BNC2: variants seen among roughly 807,000 people sequenced by gnomAD.
BNC2 encodes basonuclin zinc finger protein 2.
BNC2 carries 20 observed loss-of-function variants against 76.3 expected under a neutral mutation model. That is an observed-to-expected ratio of 0.26 (90% confidence interval 0.18 to 0.38). The LOEUF (loss-of-function observed/expected upper bound fraction) is 0.38, where lower values mean the gene tolerates loss of function less well. Among genes scored for constraint, BNC2 ranks in the 10% least tolerant of loss-of-function variants. BNC2 has a pLI of 1.00. For missense variants in BNC2, 1,382 were observed against 1,399.8 expected (o/e 0.99, Z 0.20); for synonymous variants, 582 against 514.8 (o/e 1.13, Z -1.77).
intron 5 of BNC2, among the ~76,000 whole-genome samples, chr9:16,470,040 C>T (rs1367660340): frequency 6.8e-6 from 1 of 146,886 alleles, no homozygotes; most frequent in Non-Finnish European, 1.5e-5. Flanking sequence ...CTCTGTTGCC[C>T]AGGCTGGAGT....
chr9:16,545,969 G>C (rs776953564), intron 5 of BNC2, among the ~76,000 whole-genome samples: 3 of 152,196 alleles, frequency 2.0e-5, no homozygotes, highest in African/African-American at 7.2e-5. Flanking sequence ...CTTCTGCTGT[G>C]TTATGCCACT....
intron 3 of BNC2, among the ~76,000 whole-genome samples, chr9:16,722,071 T>C (rs1483172999): frequency 6.6e-6 from 1 of 152,186 alleles, no homozygotes; most frequent in Non-Finnish European, 1.5e-5. Context: ...GTGTGTGTAA[T>C]GCATACAAGG....
At chr9:16,842,672 G>C (rs1033388345) in intron 1 of BNC2, among the ~76,000 whole-genome samples, 2 of 151,980 alleles carry the variant, frequency 1.3e-5, no homozygotes, top group African/African-American at 4.8e-5. Context: ...ATTAACATTT[G>C]GGAAATCTGG....
At chr9:16,783,440 T>G (rs1586880968) in intron 1 of BNC2, among the ~76,000 whole-genome samples, 2 of 152,310 alleles carry the variant, frequency 1.3e-5, no homozygotes, top group East Asian at 3.9e-4. Flanking sequence ...AGAGATAAAT[T>G]ATGCAAATCA....
intron 3 of BNC2, among the ~76,000 whole-genome samples, chr9:16,647,798 G>T (rs958519173): frequency 2.0e-5 from 3 of 152,080 alleles, no homozygotes; most frequent in African/African-American, 2.4e-5. Flanking sequence ...TCTTAGGCAG[G>T]TTTAATAAAG....
At chr9:16,825,561 T>A (rs1174568538) in intron 1 of BNC2, among the ~76,000 whole-genome samples, 2 of 152,066 alleles carry the variant, frequency 1.3e-5, no homozygotes, top group Non-Finnish European at 1.5e-5. Flanking sequence ...ATGCTGAATT[T>A]CAAAATCCCT....
intron 5 of BNC2, among the ~76,000 whole-genome samples, chr9:16,517,084 T>G (rs1458331425): frequency 2.0e-5 from 3 of 152,176 alleles, no homozygotes; most frequent in Non-Finnish European, 4.4e-5. Flanking sequence ...GACTGAGGTT[T>G]TGAGGACTAA....
At chr9:16,687,439 T>C (rs66593595) in intron 3 of BNC2, among the ~76,000 whole-genome samples, 16,323 of 152,124 alleles carry the variant, frequency 0.11, 1,572 homozygotes, top group East Asian at 0.39. Context: ...GGGGGCACTG[T>C]GCATTTGTGT....
At chr9:16,702,582 C>A (rs1181026398) in intron 3 of BNC2, among the ~76,000 whole-genome samples, 1 of 150,558 alleles carries the variant, frequency 6.6e-6, no homozygotes, top group Non-Finnish European at 1.5e-5. Flanking sequence ...CCTAATATCG[C>A]CTTTCCTAGA....
chr9:16,813,854 G>T lies in BNC2; in HGVS notation c.3+56792C>A, dbSNP rs1191055772. Among the ~76,000 whole-genome samples the T allele has an allele frequency of 3.9e-5, 6 of 152,082 alleles. No homozygotes were observed. The East Asian group carries it at 9.6e-4, about 24-fold the overall frequency. On this transcript the variant is annotated intron_variant, in intron 1 of 6. Coordinates refer to ENST00000380672, the MANE Select transcript of BNC2 (RefSeq NM_017637.6). ...ATATATCAAACATGTTCCCCACCCA[G>T]TAAGTGTCCAGCAGAAATAAAAGCA... is the stretch of plus-strand genomic sequence containing the variant.
intron 5 of BNC2, among the ~76,000 whole-genome samples, chr9:16,540,156 ATTTTTTTT>A (rs36075261): frequency 1.1e-4 from 13 of 118,474 alleles, no homozygotes; most frequent in South Asian, 2.8e-4. Flanking sequence ...ATTTAACGTG[ATTTTTTTT>A]TTTTTTTTTT....
At chr9:16,741,076 A>C (rs901392202) in intron 1 of BNC2, among the ~76,000 whole-genome samples, 19 of 152,172 alleles carry the variant, frequency 1.2e-4, no homozygotes, top group African/African-American at 4.1e-4. Flanking sequence ...CAAAATAATC[A>C]TCTGAGGAAA....
chr9:16,764,730 T>A (rs2135408393), intron 1 of BNC2, among the ~76,000 whole-genome samples: 1 of 59,796 alleles, frequency 1.7e-5, no homozygotes, highest in African/African-American at 5.5e-5. Context: ...TAACTTTACT[T>A]ATTTGTCTGT....
intron 5 of BNC2, among the ~76,000 whole-genome samples, chr9:16,472,417 C>A (rs1238915499): frequency 6.6e-6 from 1 of 152,178 alleles, no homozygotes; most frequent in Non-Finnish European, 1.5e-5. Flanking sequence ...GAGATCTAAG[C>A]CTTCAAAACA....
intron 3 of BNC2, among the ~76,000 whole-genome samples, chr9:16,675,937 C>T (rs189582768): frequency 1.4e-3 from 209 of 152,000 alleles, no homozygotes; most frequent in South Asian, 1.3e-3. Context: ...TGGTGGTGCA[C>T]GCCTGTAATC....
At chr9:16,509,724 G>C (rs1177030655) in intron 5 of BNC2, among the ~76,000 whole-genome samples, 1 of 152,186 alleles carries the variant, frequency 6.6e-6, no homozygotes, top group Non-Finnish European at 1.5e-5. Flanking sequence ...CAGGAAAATT[G>C]TTATCTGGCC....
At chr9:16,845,920 C>T (rs905322447) in intron 1 of BNC2, among the ~76,000 whole-genome samples, 21 of 151,968 alleles carry the variant, frequency 1.4e-4, no homozygotes, top group Admixed American at 5.2e-4. Context: ...GAGGCCGAGA[C>T]GGGCGGATCA....
intron 1 of BNC2, among the ~76,000 whole-genome samples, chr9:16,852,986 A>G (rs1202432390): frequency 1.3e-5 from 2 of 152,082 alleles, no homozygotes; most frequent in African/African-American, 4.8e-5. Flanking sequence ...GATGGTAAGG[A>G]GTTGGGATTT....
At chr9:16,818,464 G>A (rs1294451302) in intron 1 of BNC2, among the ~76,000 whole-genome samples, 1 of 152,190 alleles carries the variant, frequency 6.6e-6, no homozygotes, top group African/African-American at 2.4e-5. Flanking sequence ...GAAGTTTAAA[G>A]AGAATACCAA....
Sources: allele counts gnomAD v4.1 joint callset (sites outside exome capture counted in the v4.1 genomes callset), GRCh38; gene constraint gnomAD v4.1.1; transcripts MANE v1.5; gene names NCBI Gene and HGNC (gene_info 2026-07-23, HGNC 2026-07-21).